CNTNAP2: variants seen among roughly 807,000 people sequenced by gnomAD.
The protein encoded by CNTNAP2 is contactin associated protein 2.
CNTNAP2 carries 98 observed loss-of-function variants against 155.2 expected under a neutral mutation model. That is an observed-to-expected ratio of 0.63 (90% confidence interval 0.54 to 0.75). CNTNAP2 has a LOEUF of 0.75. CNTNAP2 is among the 30% of genes least tolerant of loss of function. The pLI is 0.00. For synonymous variants in CNTNAP2, 651 were observed against 631.2 expected (o/e 1.03, Z -0.47); for missense variants, 1,727 against 1,688.1 (o/e 1.02, Z -0.40).
intron 1 of CNTNAP2, among the ~76,000 whole-genome samples, chr7:146,515,747 T>C (rs1341886317): frequency 6.6e-6 from 1 of 152,048 alleles, no homozygotes; most frequent in African/African-American, 2.4e-5. Context: ...AGAAAACCAC[T>C]GGTCCTATGG....
intron 1 of CNTNAP2, among the ~76,000 whole-genome samples, chr7:146,403,749 CAAAAT>C (rs1220399876): frequency 6.6e-6 from 1 of 151,968 alleles, no homozygotes; most frequent in African/African-American, 2.4e-5. Flanking sequence ...TTGGACAAAA[CAAAAT>C]ATTAAAAACC....
At chr7:148,280,164 C>T (rs1413322607) in intron 21 of CNTNAP2, among the ~76,000 whole-genome samples, 2 of 152,028 alleles carry the variant, frequency 1.3e-5, no homozygotes, top group East Asian at 1.9e-4. Flanking sequence ...AAAAATTAGC[C>T]AGGCATGGTG....
At chr7:147,893,221 G>A (rs1253902380) in intron 13 of CNTNAP2, among the ~76,000 whole-genome samples, 1 of 152,064 alleles carries the variant, frequency 6.6e-6, no homozygotes, top group South Asian at 2.1e-4. Flanking sequence ...GCCAATACAT[G>A]ATTTTTTATT....
intron 1 of CNTNAP2, among the ~76,000 whole-genome samples, chr7:146,188,550 G>T (rs1798655512): frequency 6.6e-6 from 1 of 152,158 alleles, no homozygotes. Flanking sequence ...ACATGGCTTA[G>T]ACAGGTTAAT....
chr7:147,702,900 T>C (rs890487959), intron 13 of CNTNAP2, among the ~76,000 whole-genome samples: 8 of 152,282 alleles, frequency 5.3e-5, no homozygotes, highest in Admixed American at 4.6e-4. Flanking sequence ...AGGTAGTTAG[T>C]CCTGCTTGTA....
Position 148,059,757 on chromosome 7 carries a change from T to A in CNTNAP2, c.2384-58361T>A, listed in dbSNP as rs139332582. The stretch of plus-strand genomic sequence containing the variant: ...CATATTTATACTATACATATATTTA[T>A]ATTTAAATTATATATATATATTTAG... On this transcript the variant is annotated intron_variant, in intron 15 of 23. Coordinates refer to ENST00000361727, the MANE Select transcript of CNTNAP2 (RefSeq NM_014141.6). Among the ~76,000 whole-genome samples, 680 of 148,832 alleles carry A rather than the reference T, an allele frequency of 4.6e-3. 6 individuals carry two copies. Among genetic ancestry groups the A allele is most frequent in the African/African-American group, 0.016 (661 of 41,008 alleles).
chr7:147,092,234 C>T (rs1287743648), intron 4 of CNTNAP2, among the ~76,000 whole-genome samples: 1 of 152,160 alleles, frequency 6.6e-6, no homozygotes, highest in African/African-American at 2.4e-5. Context: ...TTCCCAATGA[C>T]CCCCTCAAAA....
intron 13 of CNTNAP2, among the ~76,000 whole-genome samples, chr7:147,760,423 C>G (rs1797281678): frequency 6.6e-6 from 1 of 152,178 alleles, no homozygotes. Flanking sequence ...AACATTCTCA[C>G]ATACTCTCAG....
At chr7:147,950,270 A>G (rs73464229) in intron 14 of CNTNAP2, among the ~76,000 whole-genome samples, 4,436 of 148,514 alleles carry the variant, frequency 0.03, 215 homozygotes, top group African/African-American at 0.1. Context: ...ACAGTTGGCT[A>G]GCACATCAGA....
At chr7:146,584,193 AAAAC>A (rs952033441) in intron 1 of CNTNAP2, among the ~76,000 whole-genome samples, 7 of 152,196 alleles carry the variant, frequency 4.6e-5, no homozygotes, top group African/African-American at 1.7e-4. Flanking sequence ...TAGAGTCAGG[AAAAC>A]AAACAAACAA....
At chr7:147,558,981 C>G (rs1166293880) in intron 11 of CNTNAP2, among the ~76,000 whole-genome samples, 1 of 152,112 alleles carries the variant, frequency 6.6e-6, no homozygotes, top group Non-Finnish European at 1.5e-5. Context: ...GACCTTCAGC[C>G]CACGTTGGCC....
At chr7:148,169,143 C>G (rs1337468120) in intron 17 of CNTNAP2, among the ~76,000 whole-genome samples, 3 of 152,086 alleles carry the variant, frequency 2.0e-5, no homozygotes, top group African/African-American at 7.2e-5. Context: ...CTCTTGTATT[C>G]CCAGCAAAAA....
intron 21 of CNTNAP2, among the ~76,000 whole-genome samples, chr7:148,311,142 G>T (rs553222443): frequency 5.9e-4 from 87 of 148,714 alleles, no homozygotes; most frequent in African/African-American, 2.2e-3. Flanking sequence ...AGTAAGTGTG[G>T]AGGAGGGTGG....
intron 1 of CNTNAP2, among the ~76,000 whole-genome samples, chr7:146,559,493 G>A (rs1465047770): frequency 1.3e-5 from 2 of 151,776 alleles, no homozygotes; most frequent in African/African-American, 4.8e-5. Context: ...ACTTGAACCC[G>A]GGAGTGCGGA....
At chr7:147,436,784 T>C in intron 10 of CNTNAP2, among the ~76,000 whole-genome samples, 1 of 152,186 alleles carries the variant, frequency 6.6e-6, no homozygotes, top group East Asian at 1.9e-4. Flanking sequence ...TTTTACAACT[T>C]AGAGCAAGGC....
At position 148,415,841 on chromosome 7, in the gene CNTNAP2, AAAT is replaced by A. The variant is rs1291255583; in HGVS notation, c.*230_*232del. 6.7e-6 allele frequency: 4 copies of A among 599,750 alleles called. No individual in the cohort carries two copies. The highest frequency in any genetic ancestry group is 5.6e-5 in the African/African-American group (3 of 53,876). 37.2% of individuals were successfully genotyped at this position (599,750 alleles called of 1,614,324 possible). On this transcript the variant is annotated 3_prime_UTR_variant, in exon 24 of 24. Transcript: ENST00000361727. ...GAGTTTTCCCTTCTGTATCAAAACAAAATAATACAAAAAATGCTTTTAGAGTTT... is the reference window on the plus strand; with the variant it reads ...GAGTTTTCCCTTCTGTATCAAAACAAAATACAAAAAATGCTTTTAGAGTTT...
At chr7:147,282,104 T>C (rs567375049) in intron 8 of CNTNAP2, among the ~76,000 whole-genome samples, 2 of 152,018 alleles carry the variant, frequency 1.3e-5, no homozygotes, top group South Asian at 4.1e-4. Flanking sequence ...CTAAATTCTG[T>C]GCCTTCTTAG....
At chr7:147,595,382 A>G (rs946009058) in intron 12 of CNTNAP2, among the ~76,000 whole-genome samples, 1 of 152,138 alleles carries the variant, frequency 6.6e-6, no homozygotes, top group Non-Finnish European at 1.5e-5. Context: ...TTATTTTCCA[A>G]TCTCCAAAGA....
At chr7:148,404,607 G>A (rs1208299368) in intron 22 of CNTNAP2, among the ~76,000 whole-genome samples, 2 of 152,176 alleles carry the variant, frequency 1.3e-5, no homozygotes, top group African/African-American at 4.8e-5. Flanking sequence ...CAGCATCTAG[G>A]GGTATGTTAC....
Sources: gnomAD v4.1 joint callset for allele counts (sites outside exome capture counted in the v4.1 genomes callset) on GRCh38, gnomAD v4.1.1 for gene constraint, MANE v1.5 for transcripts, NCBI Gene and HGNC (gene_info 2026-07-23, HGNC 2026-07-21) for gene names.